The following CFAP47 variants were observed in gnomAD, a reference collection of about 807,000 sequenced individuals.
CFAP47 encodes the protein cilia and flagella associated protein 47, also known as cilia- and flagella-associated protein 47.
CFAP47 carries 29 observed loss-of-function variants against 148.1 expected under a neutral mutation model. The ratio of observed to expected loss-of-function variants is 0.20; its 90% CI spans 0.15 to 0.27. CFAP47 has a LOEUF of 0.27. Among genes scored for constraint, CFAP47 ranks in the 10% least tolerant of loss-of-function variants. CFAP47 has a pLI of 1.00. For synonymous variants in CFAP47, 664 were observed against 577.3 expected (o/e 1.15, Z -2.15); for missense variants, 1,872 against 1,697.5 (o/e 1.10, Z -1.81).
intron 5 of CFAP47, among the ~76,000 whole-genome samples, chrX:35,951,593 T>C (rs1210571583): frequency 8.9e-6 from 1 of 112,045 alleles, no homozygotes; most frequent in Admixed American, 9.5e-5. Context: ...GATCAGTGGC[T>C]AATTGAAGGT....
intron 21 of CFAP47, among the ~76,000 whole-genome samples, chrX:36,014,067 A>G (rs1185271243): frequency 1.8e-5 from 2 of 112,053 alleles, no homozygotes; most frequent in East Asian, 2.8e-4. Flanking sequence ...CTCATCAGCA[A>G]TGTATGTGTT....
intron 15 of CFAP47, among the ~76,000 whole-genome samples, chrX:35,977,427 G>T (rs766339672): frequency 9.0e-6 from 1 of 111,084 alleles, no homozygotes; most frequent in African/African-American, 3.3e-5. Flanking sequence ...AATCTGTTTG[G>T]AATTTTTTCC....
At chrX:35,974,542 A>G (rs1178540421) in intron 13 of CFAP47, among the ~76,000 whole-genome samples, 2 of 111,111 alleles carry the variant, frequency 1.8e-5, no homozygotes, top group African/African-American at 3.3e-5. Context: ...AAGGGGCACA[A>G]AATTTTTGGA....
At chrX:36,367,155 T>A in intron 62 of CFAP47, 28 bp downstream of exon 62, 1 of 1,004,992 alleles carries the variant, frequency 1.0e-6, no homozygotes, top group Non-Finnish European at 1.3e-6. Context: ...AGTATGTAGC[T>A]GTTTTAGTGA....
chrX:36,149,363 G>T, intron 37 of CFAP47, 140 bp downstream of exon 37: 1 of 259,841 alleles, frequency 3.8e-6, no homozygotes, highest in Admixed American at 6.5e-5. Flanking sequence ...ACAAATATTC[G>T]TATGTTTCTA....
intron 46 of CFAP47, among the ~76,000 whole-genome samples, chrX:36,230,215 A>C (rs782694841): frequency 3.0e-5 from 3 of 100,160 alleles, no homozygotes; most frequent in Non-Finnish European, 4.0e-5. Flanking sequence ...GAACTAGTTT[A>C]CAGTCCCACC....
chrX:36,103,908 C>T (rs888396194), intron 32 of CFAP47, among the ~76,000 whole-genome samples: 1 of 111,288 alleles, frequency 9.0e-6, no homozygotes, highest in African/African-American at 3.3e-5. Context: ...ATCTTAATAT[C>T]GCTAAAATTA....
chrX:36,098,243 C>T (rs951981120), intron 30 of CFAP47, among the ~76,000 whole-genome samples: 1 of 111,905 alleles, frequency 8.9e-6, no homozygotes, highest in Non-Finnish European at 1.9e-5. Context: ...TGAGTTTCCT[C>T]AACATACCTA....
chrX:36,317,940 G>T (rs185154688), intron 56 of CFAP47, among the ~76,000 whole-genome samples: 1 of 110,994 alleles, frequency 9.0e-6, no homozygotes, highest in Admixed American at 9.6e-5. Context: ...TTAACATTTG[G>T]AACTTGTTTT....
At chrX:36,126,308 C>T (rs1283892096) in intron 33 of CFAP47, among the ~76,000 whole-genome samples, 3 of 110,517 alleles carry the variant, frequency 2.7e-5, no homozygotes, top group Non-Finnish European at 5.7e-5. Context: ...AACGTGTTCT[C>T]ACTGTTCAAG....
chrX:36,185,650 T>C (rs935111952), intron 40 of CFAP47, among the ~76,000 whole-genome samples: 3 of 112,101 alleles, frequency 2.7e-5, no homozygotes, highest in Non-Finnish European at 5.6e-5. Flanking sequence ...CAAAATACTA[T>C]GGACTGGATG....
At chrX:36,150,523 C>T (rs1939295658) in intron 37 of CFAP47, among the ~76,000 whole-genome samples, 1 of 111,784 alleles carries the variant, frequency 8.9e-6, no homozygotes, top group South Asian at 3.6e-4. Context: ...AGTTACTTTG[C>T]TTGATTATCT....
chrX:36,208,776 G>A (rs1175715243), intron 45 of CFAP47, among the ~76,000 whole-genome samples: 1 of 110,860 alleles, frequency 9.0e-6, no homozygotes, highest in Non-Finnish European at 1.9e-5. Flanking sequence ...GACCAGTGTG[G>A]CCAACATGGT....
At chrX:36,162,703 G>C (rs1184319934) in intron 39 of CFAP47, among the ~76,000 whole-genome samples, 1 of 111,529 alleles carries the variant, frequency 9.0e-6, no homozygotes, top group African/African-American at 3.2e-5. Flanking sequence ...TAATTCCCAT[G>C]CCTTGCTCCC....
chrX:35,942,125 T>A (rs1902412000), intron 3 of CFAP47, among the ~76,000 whole-genome samples: 1 of 110,854 alleles, frequency 9.0e-6, no homozygotes, highest in Non-Finnish European at 1.9e-5. Flanking sequence ...CCCTTCAGTG[T>A]CCTGATTCAA....
chrX:36,116,577 A>G (rs1938644153), intron 33 of CFAP47, among the ~76,000 whole-genome samples: 1 of 112,161 alleles, frequency 8.9e-6, no homozygotes, highest in Non-Finnish European at 1.9e-5. Context: ...GACATTTTAA[A>G]GCAGTGTGGA....
chrX:36,214,784 C>T (rs183019974), intron 45 of CFAP47, among the ~76,000 whole-genome samples: 114 of 111,146 alleles, frequency 1.0e-3, no homozygotes, highest in Non-Finnish European at 1.9e-3. Context: ...CAATAGCATG[C>T]ATGGAGCTGT....
In CFAP47 at chrX:35,920,025, T is replaced by C. The variant is rs774514616; in HGVS notation, c.226T>C (p.Phe76Leu). 1 of 1,194,325 alleles carries C rather than the reference T, an allele frequency of 8.4e-7. No homozygotes were observed. The highest frequency in any genetic ancestry group is 2.2e-5 in the Admixed American group (1 of 45,372). The change falls in exon 1 of 64, where the codon TTT (phenylalanine) becomes CTT (leucine). Residue 76 changes from phenylalanine to leucine, a missense_variant. Coordinates refer to ENST00000378653, the MANE Select transcript of CFAP47 (RefSeq NM_001304548.2). ...NICRWNQKIR[F>L]KEPVKPQFKL... ...TTGCCGCTGGAACCAGAAAATCCGA[T>C]TTAAGGAGCCCGTCAAGCCACAGGT...
Position 36,259,697 on chromosome X carries a change from AT to A in CFAP47, c.7444+8263del, listed in dbSNP as rs1220154862. Among the ~76,000 whole-genome samples the A allele has an allele frequency of 1.8e-4, 19 of 107,438 alleles. No homozygotes were observed. In the East Asian group the frequency reaches 4.1e-3, roughly 23 times the overall value. The allele number at this position is 107,438 out of a possible 115,157, so 93.3% of individuals were successfully genotyped here. A position where few individuals can be genotyped will look rare whatever the true frequency, so the allele number is the denominator to read the frequency against. On this transcript the variant is annotated intron_variant, in intron 49 of 63. Transcript: ENST00000378653. ...ACTCTACCACATTGTCTCTTTATTA[AT>A]TTTTTTTTTGCCTTTTCTACTTTTA...
Sources: allele counts gnomAD v4.1 joint callset (sites outside exome capture counted in the v4.1 genomes callset), GRCh38; gene constraint gnomAD v4.1.1; transcripts MANE v1.5; gene names NCBI Gene and HGNC (gene_info 2026-07-23, HGNC 2026-07-21).